CEP85L: variants seen among roughly 807,000 people sequenced by gnomAD.
The protein encoded by CEP85L is centrosomal protein 85L, also known as centrosomal protein of 85 kDa-like.
CEP85L carries 60 observed loss-of-function variants against 100.3 expected under a neutral mutation model. The ratio of observed to expected loss-of-function variants is 0.60; its 90% CI spans 0.49 to 0.74. The LOEUF is 0.74. Among genes scored for constraint, CEP85L ranks in the 30% least tolerant of loss-of-function variants. The pLI is 0.00. For synonymous variants in CEP85L, 319 were observed against 322.7 expected, an observed-to-expected ratio of 0.99 and a Z score of 0.12; for missense variants, 973 against 936.2, an observed-to-expected ratio of 1.04 and a Z score of -0.51.
intron 2 of CEP85L, among the ~76,000 whole-genome samples, chr6:118,624,628 C>T (rs1214573744): frequency 1.3e-5 from 2 of 152,204 alleles, no homozygotes; most frequent in African/African-American, 2.4e-5. Context: ...ACTACCCACA[C>T]CTATATGAGA....
rs775221215 is a variant in CEP85L at position 118,470,618 on chromosome 6, C to A, written c.1941G>T (p.Glu647Asp). ...IQSMQGKLSK[E>D]KLTTQKMMEE... Reference sequence around the variant, plus strand: ...CCATCATCTTTTGAGTGGTCAGTTTCTCTTTAGAAAGCTTTCCTTGCATAG... The same window carrying A: ...CCATCATCTTTTGAGTGGTCAGTTTATCTTTAGAAAGCTTTCCTTGCATAG... Residue 647 changes from glutamate (E) to aspartate (D), a missense_variant, in exon 11 of 13, where the codon GAG (glutamate) becomes GAT (aspartate). Around this residue, in one of 3 missense-constraint regions of CEP85L, gnomAD observed 890 missense variants for 844.5 expected, o/e 1.05. Coordinates refer to ENST00000368491, the MANE Select transcript of CEP85L (RefSeq NM_001042475.3). 6.9e-6 allele frequency: 11 copies of A among 1,603,090 alleles called. No individual in the cohort carries two copies. The Admixed American group carries it at 1.9e-4, about 27-fold the overall frequency.
chr6:118,570,459 A>G (rs1779822166), intron 2 of CEP85L, among the ~76,000 whole-genome samples: 1 of 152,224 alleles, frequency 6.6e-6, no homozygotes, highest in Non-Finnish European at 1.5e-5. Context: ...AGTACTTTCC[A>G]AATGCAAAGA....
At chr6:118,605,900 G>C (rs1772168157) in intron 2 of CEP85L, among the ~76,000 whole-genome samples, 1 of 151,946 alleles carries the variant, frequency 6.6e-6, no homozygotes, top group Non-Finnish European at 1.5e-5. Context: ...TGTAGTCCCA[G>C]CTACTTGGGA....
intron 10 of CEP85L, among the ~76,000 whole-genome samples, chr6:118,472,879 T>C (rs367863186): frequency 5.9e-5 from 9 of 152,326 alleles, no homozygotes; most frequent in East Asian, 3.9e-4. Flanking sequence ...GTCTTTATAA[T>C]GATCATGTTT....
chr6:118,637,875 C>T (rs1198373522), intron 1 of CEP85L, among the ~76,000 whole-genome samples: 1 of 151,220 alleles, frequency 6.6e-6, no homozygotes, highest in Non-Finnish European at 1.5e-5. Flanking sequence ...AGGACAAACC[C>T]CAAAGGGAAA....
intron 2 of CEP85L, among the ~76,000 whole-genome samples, chr6:118,586,093 A>C (rs1780843250): frequency 6.6e-6 from 1 of 152,198 alleles, no homozygotes; most frequent in Admixed American, 6.5e-5. Flanking sequence ...CACTAGGCAT[A>C]GAATATCATC....
At chr6:118,513,880 T>C (rs760646018) in intron 4 of CEP85L, among the ~76,000 whole-genome samples, 15 of 152,112 alleles carry the variant, frequency 9.9e-5, no homozygotes, top group Admixed American at 2.0e-4. Context: ...ATATTTTTCT[T>C]ATTATTTAAA....
chr6:118,562,579 C>G (rs993012069), intron 3 of CEP85L, among the ~76,000 whole-genome samples: 4 of 152,030 alleles, frequency 2.6e-5, no homozygotes, highest in Non-Finnish European at 4.4e-5. Context: ...AGGCTGGTCC[C>G]AAACTCCTAT....
At chr6:118,568,872 T>G (rs1379361773) in intron 2 of CEP85L, among the ~76,000 whole-genome samples, 1 of 152,026 alleles carries the variant, frequency 6.6e-6, no homozygotes, top group South Asian at 2.1e-4. Context: ...TTATATATAT[T>G]TTACATATAT....
chr6:118,519,407 C>T (rs1038716900), intron 4 of CEP85L, among the ~76,000 whole-genome samples: 1 of 141,472 alleles, frequency 7.1e-6, no homozygotes, highest in Non-Finnish European at 1.5e-5. Context: ...CCACCGCACT[C>T]CAGTCTGGGT....
intron 3 of CEP85L, among the ~76,000 whole-genome samples, chr6:118,535,541 A>T (rs2114848820): frequency 6.6e-6 from 1 of 152,332 alleles, no homozygotes; most frequent in South Asian, 2.1e-4. Flanking sequence ...AATTCTAGAA[A>T]TAAAGAAAAT....
intron 2 of CEP85L, among the ~76,000 whole-genome samples, chr6:118,599,353 A>G (rs1195046604): frequency 2.6e-5 from 4 of 152,222 alleles, no homozygotes; most frequent in Non-Finnish European, 5.9e-5. Context: ...AGAGTTCTCA[A>G]TGGCAAAATT....
chr6:118,525,481 G>T (rs1276364364), intron 3 of CEP85L, among the ~76,000 whole-genome samples: 2 of 152,174 alleles, frequency 1.3e-5, no homozygotes, highest in Admixed American at 1.3e-4. Flanking sequence ...TCAATGTTTG[G>T]TGTCCCTAAA....
intron 2 of CEP85L, among the ~76,000 whole-genome samples, chr6:118,578,902 T>C (rs890073728): frequency 1.3e-5 from 2 of 152,086 alleles, no homozygotes; most frequent in Non-Finnish European, 2.9e-5. Flanking sequence ...GGTTTTTTGT[T>C]TGAGTTTTTT....
intron 1 of CEP85L, among the ~76,000 whole-genome samples, chr6:118,703,286 T>A (rs188632721): frequency 2.1e-4 from 32 of 152,326 alleles, no homozygotes; most frequent in Non-Finnish European, 3.5e-4. Flanking sequence ...AGTTTTGAGG[T>A]AGTCTTTATG....
chr6:118,613,166 G>A lies in CEP85L; in HGVS notation c.232+19287C>T, dbSNP rs146012404. Among the ~76,000 whole-genome samples the A allele has an allele frequency of 2.0e-3, 299 of 152,058 alleles. 1 individual carries two copies. Among genetic ancestry groups the A allele is most frequent in the African/African-American group, 6.8e-3 (283 of 41,476 alleles). On this transcript the variant is annotated intron_variant, in intron 2 of 12. Coordinates refer to ENST00000368491, the MANE Select transcript of CEP85L (RefSeq NM_001042475.3). Reference sequence around the variant, plus strand: ...GCAGAGGTTGCAGTGAGCCGAGATCGCGCCACTGTACTCCAGCCTGGGCAA... The same window carrying A: ...GCAGAGGTTGCAGTGAGCCGAGATCACGCCACTGTACTCCAGCCTGGGCAA...
chr6:118,477,747 A>G (rs1411778675), intron 10 of CEP85L, among the ~76,000 whole-genome samples: 1 of 152,144 alleles, frequency 6.6e-6, no homozygotes, highest in Non-Finnish European at 1.5e-5. Context: ...AATACTCTAG[A>G]ATGGAAAAAC....
At chr6:118,591,304 G>C (rs888639040) in intron 2 of CEP85L, among the ~76,000 whole-genome samples, 14 of 152,070 alleles carry the variant, frequency 9.2e-5, no homozygotes, top group African/African-American at 3.4e-4. Context: ...AGTAACAAAA[G>C]TACCAGAGGC....
intron 1 of CEP85L, among the ~76,000 whole-genome samples, chr6:118,704,911 T>A (rs983627804): frequency 6.6e-5 from 10 of 152,196 alleles, no homozygotes; most frequent in Non-Finnish European, 1.0e-4. Flanking sequence ...TTTCCATTTT[T>A]AAAAATTCAC....
Sources: gnomAD v4.1 joint callset for allele counts (sites outside exome capture counted in the v4.1 genomes callset) on GRCh38, gnomAD v4.1.1 for gene constraint, gnomAD v4.1.1 regional missense constraint, MANE v1.5 for transcripts, NCBI Gene and HGNC (gene_info 2026-07-23, HGNC 2026-07-21) for gene names.